KCNQ5: variants seen among roughly 807,000 people sequenced by gnomAD.
KCNQ5 encodes potassium voltage-gated channel subfamily Q member 5.
Under a neutral mutation model 98.2 loss-of-function variants are expected in KCNQ5, and 30 were observed. The ratio of observed to expected loss-of-function variants is 0.31; its 90% CI spans 0.23 to 0.41. KCNQ5 has a LOEUF of 0.41. KCNQ5 is among the 10% of genes least tolerant of loss of function. The pLI is 1.00. For synonymous variants in KCNQ5, 458 were observed against 449.4 expected (o/e 1.02, Z -0.24); for missense variants, 835 against 1,182.5 (o/e 0.71, Z 4.31).
At chr6:73,097,631 G>A (rs1020678388) in intron 5 of KCNQ5, among the ~76,000 whole-genome samples, 8 of 152,050 alleles carry the variant, frequency 5.3e-5, no homozygotes, top group Admixed American at 1.3e-4. Flanking sequence ...TGCTTGTGTC[G>A]CCCCTCACCA....
intron 1 of KCNQ5, among the ~76,000 whole-genome samples, chr6:72,816,625 A>G (rs6912655): frequency 0.64 from 96,905 of 152,034 alleles, 31,283 homozygotes; most frequent in African/African-American, 0.74. Context: ...AATCCACATC[A>G]TATATCTAGA....
At chr6:73,054,776 A>G (rs1772395922) in intron 3 of KCNQ5, among the ~76,000 whole-genome samples, 1 of 152,156 alleles carries the variant, frequency 6.6e-6, no homozygotes, top group Non-Finnish European at 1.5e-5. Flanking sequence ...CTTATTAAAC[A>G]CCAGAACAAA....
intron 2 of KCNQ5, among the ~76,000 whole-genome samples, chr6:73,012,864 C>CAA (rs58996956): frequency 1.3e-5 from 2 of 150,168 alleles, no homozygotes; most frequent in Non-Finnish European, 3.0e-5. Flanking sequence ...ATTTAAAACT[C>CAA]AAAAAAAAAG....
intron 1 of KCNQ5, among the ~76,000 whole-genome samples, chr6:72,746,323 A>G (rs1030659336): frequency 6.6e-6 from 1 of 152,110 alleles, no homozygotes; most frequent in African/African-American, 2.4e-5. Flanking sequence ...AAAAGTCTGC[A>G]TTATTGTTGA....
intron 1 of KCNQ5, among the ~76,000 whole-genome samples, chr6:72,639,589 AT>A (rs2098926107): frequency 6.6e-6 from 1 of 152,170 alleles, no homozygotes. Context: ...AGAGAGGGTG[AT>A]ATTTAGAGAG....
At chr6:72,957,495 T>C (rs1469093760) in intron 1 of KCNQ5, among the ~76,000 whole-genome samples, 1 of 152,056 alleles carries the variant, frequency 6.6e-6, no homozygotes, top group Non-Finnish European at 1.5e-5. Context: ...AAAATGCCAA[T>C]ACCAAGGCCT....
intron 9 of KCNQ5, among the ~76,000 whole-genome samples, chr6:73,125,952 G>A (rs559323699): frequency 2.0e-5 from 3 of 152,204 alleles, no homozygotes; most frequent in South Asian, 2.1e-4. Context: ...CATTAGATTC[G>A]GAATAGTCTT....
At chr6:73,018,599 G>A (rs1181070951) in intron 2 of KCNQ5, among the ~76,000 whole-genome samples, 3 of 152,014 alleles carry the variant, frequency 2.0e-5, no homozygotes, top group Non-Finnish European at 4.4e-5. Flanking sequence ...CAGAGGCATG[G>A]CATACATTAT....
chr6:72,673,376 T>C (rs561848958), intron 1 of KCNQ5, among the ~76,000 whole-genome samples: 37 of 152,364 alleles, frequency 2.4e-4, no homozygotes, highest in African/African-American at 8.2e-4. Context: ...AAATACACTT[T>C]ACTTTTCCTT....
intron 1 of KCNQ5, among the ~76,000 whole-genome samples, chr6:72,980,968 A>G (rs1245465350): frequency 1.3e-5 from 2 of 151,750 alleles, no homozygotes; most frequent in Non-Finnish European, 2.9e-5. Context: ...ACATTTATTG[A>G]TTTGCATATG....
intron 1 of KCNQ5, among the ~76,000 whole-genome samples, chr6:72,922,377 G>T (rs192300244): frequency 6.6e-6 from 1 of 152,236 alleles, no homozygotes; most frequent in African/African-American, 2.4e-5. Context: ...ACTAAATCAA[G>T]ATAATTAACA....
intron 1 of KCNQ5, among the ~76,000 whole-genome samples, chr6:72,900,355 T>G (rs148208478): frequency 6.7e-6 from 1 of 148,636 alleles, no homozygotes; most frequent in Admixed American, 6.7e-5. Flanking sequence ...ATCCTATATA[T>G]ATAAAGAAAC....
chr6:73,033,144 G>A (rs1036802068), intron 2 of KCNQ5, among the ~76,000 whole-genome samples: 1 of 152,076 alleles, frequency 6.6e-6, no homozygotes, highest in Non-Finnish European at 1.5e-5. Context: ...GCCACTCCAG[G>A]TAGGCAGCGA....
chr6:72,782,589 T>A (rs1417567198), intron 1 of KCNQ5, among the ~76,000 whole-genome samples: 1 of 152,180 alleles, frequency 6.6e-6, no homozygotes, highest in Non-Finnish European at 1.5e-5. Context: ...AGCTCAGTGA[T>A]GAAGAAACTC....
At chr6:73,034,766 G>A (rs1295593770) in intron 2 of KCNQ5, among the ~76,000 whole-genome samples, 1 of 151,920 alleles carries the variant, frequency 6.6e-6, no homozygotes, top group Non-Finnish European at 1.5e-5. Flanking sequence ...TGGAAAAGAG[G>A]GTTAATATGG....
chr6:73,072,251 G>T (rs1163899564), intron 3 of KCNQ5, among the ~76,000 whole-genome samples: 1 of 152,122 alleles, frequency 6.6e-6, no homozygotes, highest in Non-Finnish European at 1.5e-5. Context: ...CCTCTTTGTG[G>T]CTTACTTACC....
chr6:72,981,091 A>G (rs955119568), intron 1 of KCNQ5, among the ~76,000 whole-genome samples: 3 of 152,060 alleles, frequency 2.0e-5, no homozygotes, highest in African/African-American at 7.2e-5. Flanking sequence ...TCTCATCGAT[A>G]TTCCTCGGGA....
At chr6:72,996,137 A>G (rs1338152528) in intron 1 of KCNQ5, among the ~76,000 whole-genome samples, 1 of 152,234 alleles carries the variant, frequency 6.6e-6, no homozygotes, top group Non-Finnish European at 1.5e-5. Context: ...TTTGTGATTG[A>G]TATAATACAG....
At chr6:72,806,856 C>A (rs2150099719) in intron 1 of KCNQ5, 1 of 447,892 alleles carries the variant, frequency 2.2e-6, no homozygotes, top group Non-Finnish European at 4.5e-6. Flanking sequence ...TATTAATTTT[C>A]AGTTTCGTTT....
Sources: gnomAD v4.1 joint callset for allele counts (sites outside exome capture counted in the v4.1 genomes callset) on GRCh38, gnomAD v4.1.1 for gene constraint, MANE v1.5 for transcripts, NCBI Gene and HGNC (gene_info 2026-07-23, HGNC 2026-07-21) for gene names.